Variants in GBF1 observed in about 807,000 individuals in gnomAD.
The protein encoded by GBF1 is golgi brefeldin A resistant guanine nucleotide exchange factor 1.
In GBF1, 114 loss-of-function variants were observed where a neutral mutation model predicts 210.5. That is an observed-to-expected ratio of 0.54 (90% confidence interval 0.47 to 0.63). GBF1 has a LOEUF of 0.63. Ranked by LOEUF, GBF1 falls within the 30% of genes least tolerant of loss-of-function variation. GBF1 has a pLI of 0.00. For synonymous variants in GBF1, 850 were observed against 889.2 expected (o/e 0.96, Z 0.78); for missense variants, 1,851 against 2,357.7 (o/e 0.79, Z 4.45).
chr10:102,354,018 A>C (rs1280508813), intron 8 of GBF1, among the ~76,000 whole-genome samples: 1 of 152,128 alleles, frequency 6.6e-6, no homozygotes, highest in Non-Finnish European at 1.5e-5. Context: ...CTATGTCCCA[A>C]ATCCTACCTC....
intron 1 of GBF1, among the ~76,000 whole-genome samples, chr10:102,247,020 A>G (rs144499080): frequency 1.3e-5 from 2 of 152,330 alleles, no homozygotes; most frequent in Non-Finnish European, 2.9e-5. Flanking sequence ...TGGGCACTCA[A>G]TAAACGTTAT....
chr10:102,381,323 G>A (rs553909382), intron 39 of GBF1, 68 bp downstream of exon 39: 5 of 1,541,188 alleles, frequency 3.2e-6, no homozygotes, highest in Non-Finnish European at 3.6e-6. Context: ...GAGGCCCAAG[G>A]GGGCGTGGGA....
the GBF1 span, among the ~76,000 whole-genome samples, chr10:102,234,681 A>C: frequency 2.0e-5 from 3 of 152,100 alleles, no homozygotes; most frequent in Non-Finnish European, 4.4e-5. Context: ...TTGAAATGCA[A>C]ATCATCCCCC....
intron 1 of GBF1, among the ~76,000 whole-genome samples, chr10:102,257,642 A>C (rs1040074810): frequency 3.9e-5 from 6 of 152,044 alleles, no homozygotes; most frequent in Non-Finnish European, 8.8e-5. Context: ...TGACATTGCA[A>C]CTGTGGTTCT....
At chr10:102,350,836 C>G (rs578148308) in intron 4 of GBF1, among the ~76,000 whole-genome samples, 1 of 152,170 alleles carries the variant, frequency 6.6e-6, no homozygotes, top group East Asian at 1.9e-4. Context: ...GTAATCCCAG[C>G]ACTTTGGGAG....
chr10:102,278,946 T>A (rs897202832), intron 3 of GBF1, among the ~76,000 whole-genome samples: 4 of 152,218 alleles, frequency 2.6e-5, no homozygotes, highest in Non-Finnish European at 5.9e-5. Context: ...TAATAAGCAA[T>A]CTGTAGGGAA....
intron 3 of GBF1, among the ~76,000 whole-genome samples, chr10:102,294,243 T>G (rs2076721683): frequency 6.6e-6 from 1 of 152,168 alleles, no homozygotes; most frequent in Non-Finnish European, 1.5e-5. Context: ...TTATAAAGTT[T>G]GCAGCAGCAT....
chr10:102,262,816 G>A (rs781449405), intron 3 of GBF1, among the ~76,000 whole-genome samples: 3 of 152,138 alleles, frequency 2.0e-5, no homozygotes, highest in South Asian at 2.1e-4. Flanking sequence ...ATTTCCTTAC[G>A]TCCTTGGGTC....
chr10:102,237,481 G>T, the GBF1 span, among the ~76,000 whole-genome samples: 1 of 152,112 alleles, frequency 6.6e-6, no homozygotes, highest in South Asian at 2.1e-4. Context: ...GCCTCCAATG[G>T]GGGACAAGGG....
chr10:102,296,819 C>T (rs1009857678), intron 3 of GBF1, among the ~76,000 whole-genome samples: 3 of 151,658 alleles, frequency 2.0e-5, no homozygotes, highest in African/African-American at 7.3e-5. Flanking sequence ...CCAAGGTGGG[C>T]GGATCACTTG....
rs370472145 is a variant in GBF1 at position 102,365,393 on chromosome 10, G to A, written c.2107-4G>A. The A allele has an allele frequency of 6.2e-7, 1 of 1,612,960 alleles. No individual in the cohort carries two copies. The highest frequency in any genetic ancestry group is 8.5e-7 in the Non-Finnish European group (1 of 1,179,080). ...CTTCTATACCTCTAGTTTTTCTCAT[G>A]CAGCTGCTAATCACTGGCACAGAGC... On this transcript the variant is annotated splice_region_variant and splice_polypyrimidine_tract_variant and intron_variant, in intron 17 of 39. Coordinates refer to ENST00000369983, the MANE Select transcript of GBF1 (RefSeq NM_001377137.1).
chr10:102,307,061 A>T (rs781509609), intron 3 of GBF1, among the ~76,000 whole-genome samples: 2 of 152,220 alleles, frequency 1.3e-5, no homozygotes, highest in Admixed American at 6.5e-5. Flanking sequence ...AAATTATTTG[A>T]AAGGTGGAAA....
Position 102,363,207 on chromosome 10 carries a change from T to C in GBF1, c.1877-49T>C. The stretch of plus-strand genomic sequence containing the variant: ...GATTTGATCTATCCTGCAGCTCTGC[T>C]TGGCTTCATACCCTATAAGTCTTCA... On this transcript the variant is annotated intron_variant, in intron 15 of 39. Transcript: ENST00000369983. This position sits in a 1 kb window ranked among gnomAD's most constrained non-coding sequence, Gnocchi z 4.2. 10 of 1,541,096 alleles carry C rather than the reference T, an allele frequency of 6.5e-6. No homozygotes were observed. Among genetic ancestry groups the C allele is most frequent in the Non-Finnish European group, 8.8e-6 (10 of 1,136,148 alleles).
chr10:102,365,943 C>A (rs1434285222), intron 18 of GBF1, among the ~76,000 whole-genome samples: 3 of 150,362 alleles, frequency 2.0e-5, no homozygotes, highest in Admixed American at 6.6e-5. Context: ...TAGAGTGAGA[C>A]CTTGGCTCAA....
chr10:102,321,650 A>G (rs994351742), intron 3 of GBF1, among the ~76,000 whole-genome samples: 3 of 151,678 alleles, frequency 2.0e-5, no homozygotes, highest in Admixed American at 1.3e-4. Context: ...GCTCACTGCA[A>G]CCTCCACCTC....
rs768126538 is a variant in GBF1 at position 102,351,955 on chromosome 10, G to A, written c.523+4G>A. 1 of 1,494,842 alleles carries A rather than the reference G, an allele frequency of 6.7e-7. No individual in the cohort carries two copies. 92.6% of individuals were successfully genotyped at this position (1,494,842 alleles called of 1,614,324 possible). A position where few individuals can be genotyped will look rare whatever the true frequency, so the allele number is the denominator to read the frequency against. On this transcript the variant is annotated splice_donor_region_variant and intron_variant, in intron 6 of 39. Transcript: ENST00000369983. ...TGCTTTGAAATGAGGCTCAGTGGTA[G>A]GTGCTTGGATATTAGCCCCTTCACC... is the stretch of plus-strand genomic sequence containing the variant.
At chr10:102,237,270 C>G in the GBF1 span, among the ~76,000 whole-genome samples, 1 of 151,998 alleles carries the variant, frequency 6.6e-6, no homozygotes, top group African/African-American at 2.4e-5. Context: ...GAAGGTGGTA[C>G]CGAGTGTTGG....
At position 102,367,458 on chromosome 10, in the gene GBF1, A is replaced by T; in HGVS notation, c.2560-20A>T. The T allele has an allele frequency of 6.5e-7, 1 of 1,549,880 alleles. No individual in the cohort carries two copies. The highest frequency in any genetic ancestry group is 8.9e-7 in the Non-Finnish European group (1 of 1,121,352). ...TTCAGTGTTGACACAAGGGGAAAAAACTTACTGGCCTGTCTCTAGGAGTTT... is the reference window on the plus strand; with the variant it reads ...TTCAGTGTTGACACAAGGGGAAAAATCTTACTGGCCTGTCTCTAGGAGTTT... On this transcript the variant is annotated intron_variant, in intron 20 of 39. Transcript: ENST00000369983.
chr10:102,305,173 ATT>A (rs2077735737), intron 3 of GBF1, among the ~76,000 whole-genome samples: 1 of 114,172 alleles, frequency 8.8e-6, no homozygotes, highest in African/African-American at 3.4e-5. Context: ...TTATATGCAG[ATT>A]TGTGTGTGTG....
Sources: gnomAD v4.1 joint callset for allele counts (sites outside exome capture counted in the v4.1 genomes callset) on GRCh38, gnomAD v4.1.1 for gene constraint, Gnocchi (gnomAD v3.1) non-coding constraint, MANE v1.5 for transcripts, NCBI Gene and HGNC (gene_info 2026-07-23, HGNC 2026-07-21) for gene names.